SH3BGR: variants seen among roughly 807,000 people sequenced by gnomAD.
SH3BGR encodes the protein SH3 domain binding glutamate rich protein.
Under a neutral mutation model 24.5 loss-of-function variants are expected in SH3BGR, and 29 were observed. The observed-to-expected ratio is 1.18, with a 90% CI of 0.88 to 1.61. The LOEUF (loss-of-function observed/expected upper bound fraction) is 1.61, where lower values mean the gene tolerates loss of function less well. SH3BGR is among the 40% of genes most tolerant of loss of function. The pLI, the probability that SH3BGR is intolerant of heterozygous loss-of-function variation, is 0.00. For synonymous variants in SH3BGR, 55 were observed against 65.7 expected, an observed-to-expected ratio of 0.84 and a Z score of 0.79; for missense variants, 162 against 205.8, an observed-to-expected ratio of 0.79 and a Z score of 1.30.
intron 2 of SH3BGR, among the ~76,000 whole-genome samples, chr21:39,470,448 G>A (rs538064574): frequency 3.9e-5 from 6 of 152,134 alleles, no homozygotes; most frequent in African/African-American, 1.2e-4. Context: ...TTTTAGTAGA[G>A]ATAGGGGTTC....
chr21:39,471,462 G>C (rs1017829230), intron 2 of SH3BGR, among the ~76,000 whole-genome samples: 4 of 152,056 alleles, frequency 2.6e-5, no homozygotes, highest in Non-Finnish European at 4.4e-5. Context: ...TTGTATGCTT[G>C]AGTTTAGGTT....
chr21:39,466,421 G>A (rs1448925865), intron 2 of SH3BGR, among the ~76,000 whole-genome samples: 2 of 152,086 alleles, frequency 1.3e-5, no homozygotes, highest in African/African-American at 4.8e-5. Context: ...ATGTTTACTG[G>A]TTTGTAAGAG....
chr21:39,458,822 T>A lies in SH3BGR; in HGVS notation c.46-3553T>A. ...CCACCACGCCTGGCTCATTTTTGTA[T>A]TTTTAGTAGAGACGAGGTTTTACCA... On this transcript the variant is annotated intron_variant, in intron 1 of 6. Coordinates refer to ENST00000333634, the MANE Select transcript of SH3BGR (RefSeq NM_007341.3). Among the ~76,000 whole-genome samples the A allele has an allele frequency of 1.3e-5, 2 of 151,786 alleles. 1 individual carries two copies. The highest frequency in any genetic ancestry group is 2.9e-5 in the Non-Finnish European group (2 of 67,946).
At chr21:39,498,197 C>T (rs956393498) in intron 3 of SH3BGR, among the ~76,000 whole-genome samples, 2 of 152,096 alleles carry the variant, frequency 1.3e-5, no homozygotes, top group African/African-American at 4.8e-5. Flanking sequence ...AATCAATTCC[C>T]CCTTAAAATA....
intron 3 of SH3BGR, among the ~76,000 whole-genome samples, chr21:39,479,259 ATGGTAGTGCTGG>A (rs2078086183): frequency 8.4e-6 from 1 of 119,464 alleles, no homozygotes; most frequent in African/African-American, 4.3e-5. Flanking sequence ...GGTGGTGGTG[ATGGTAGTGCTGG>A]TGGTGATAGT....
intron 1 of SH3BGR, among the ~76,000 whole-genome samples, chr21:39,452,996 C>A (rs190972629): frequency 5.6e-4 from 85 of 152,222 alleles, no homozygotes; most frequent in African/African-American, 1.9e-3. Context: ...TTTATTAAAC[C>A]CAAGAGTTAG....
chr21:39,490,944 C>G (rs1332905253), intron 3 of SH3BGR, among the ~76,000 whole-genome samples: 1 of 152,008 alleles, frequency 6.6e-6, no homozygotes, highest in Non-Finnish European at 1.5e-5. Flanking sequence ...GTTGCCCAGG[C>G]TGGTCTCAAA....
chr21:39,509,533 G>A lies in SH3BGR; in HGVS notation c.435+506G>A, dbSNP rs528535933. Among the ~76,000 whole-genome samples the A allele has an allele frequency of 2.1e-5, 3 of 143,852 alleles. No homozygotes were observed. In the South Asian group the frequency reaches 6.6e-4, roughly 31 times the overall value. The allele number at this position is 143,852 out of a possible 152,430, so 94.4% of individuals were successfully genotyped here. On this transcript the variant is annotated intron_variant, in intron 5 of 6. Coordinates refer to ENST00000333634, the MANE Select transcript of SH3BGR (RefSeq NM_007341.3). Reference sequence around the variant, plus strand: ...TCTCTTGCCCAGGCTGGAGTGCAGTGGTGTGATCTCAGCTCACTGCAACCT... The same window carrying A: ...TCTCTTGCCCAGGCTGGAGTGCAGTAGTGTGATCTCAGCTCACTGCAACCT...
chr21:39,478,026 T>A (rs1165948582), intron 3 of SH3BGR, among the ~76,000 whole-genome samples: 1 of 152,226 alleles, frequency 6.6e-6, no homozygotes, highest in African/African-American at 2.4e-5. Context: ...CTCTCAGTGA[T>A]GTTCAAAACA....
At position 39,475,237 on chromosome 21, in the gene SH3BGR, T is replaced by C. The variant is rs552288327; in HGVS notation, c.312+22T>C. On this transcript the variant is annotated intron_variant, in intron 3 of 6. Transcript: ENST00000333634. ...AAAGGTAAGTTTGAACAAACTCCAT[T>C]GGGGTTCAAAACAGGTAATACTAAA... is the stretch of plus-strand genomic sequence containing the variant. 1.1e-4 allele frequency: 166 copies of C among 1,470,386 alleles called. 2 individuals are homozygous for C. In the South Asian group the frequency reaches 1.9e-3, roughly 16 times the overall value. The allele number at this position is 1,470,386 out of a possible 1,614,324, so 91.1% of individuals were successfully genotyped here.
At chr21:39,479,571 T>C (rs1404905645) in intron 3 of SH3BGR, among the ~76,000 whole-genome samples, 1 of 152,074 alleles carries the variant, frequency 6.6e-6, no homozygotes, top group Non-Finnish European at 1.5e-5. Flanking sequence ...ATGGAGGGTC[T>C]CCCCTTTCAG....
intron 4 of SH3BGR, among the ~76,000 whole-genome samples, chr21:39,508,592 T>G (rs1238422292): frequency 6.6e-6 from 1 of 152,232 alleles, no homozygotes; most frequent in Non-Finnish European, 1.5e-5. Flanking sequence ...AGTAAAGACA[T>G]AGTTATAAGG....
chr21:39,460,851 A>G (rs1470890509), intron 1 of SH3BGR, among the ~76,000 whole-genome samples: 1 of 151,874 alleles, frequency 6.6e-6, no homozygotes. Flanking sequence ...GTGCAGTGGC[A>G]TGATCAGCAC....
chr21:39,452,123 A>G lies in SH3BGR; in HGVS notation c.27A>G (p.Thr9=), dbSNP rs906027351. The change falls in exon 1 of 7, where the codon ACA becomes ACG. Residue 9 remains threonine, a synonymous_variant. Coordinates refer to ENST00000333634, the MANE Select transcript of SH3BGR (RefSeq NM_007341.3). The stretch of plus-strand genomic sequence containing the variant: ...TGGTTATCAAAGTGTTTGTTGCTAC[A>G]TCTTCTGGGTCCATAGCGGTAGGTG... MVIKVFVA[T]SSGSIAIRKK... 1 of 1,613,982 alleles carries G rather than the reference A, an allele frequency of 6.2e-7. No homozygotes were observed. Among genetic ancestry groups the G allele is most frequent in the African/African-American group, 1.3e-5 (1 of 74,892 alleles).
intron 3 of SH3BGR, among the ~76,000 whole-genome samples, chr21:39,479,224 G>GGGTGGTGGTGGTGAT (rs2078078984): frequency 1.5e-5 from 2 of 137,584 alleles, no homozygotes; most frequent in African/African-American, 3.3e-5. Context: ...GAGGTGGTAA[G>GGGTGGTGGTGGTGAT]GGTGGTGGTG....
intron 5 of SH3BGR, among the ~76,000 whole-genome samples, chr21:39,509,570 G>T (rs1024853309): frequency 1.9e-4 from 28 of 149,456 alleles, no homozygotes; most frequent in Middle Eastern, 3.2e-3. Context: ...CGCTTCCTGG[G>T]TTCAAGCGAT....
At chr21:39,494,397 G>A (rs1381577877) in intron 3 of SH3BGR, among the ~76,000 whole-genome samples, 3 of 152,052 alleles carry the variant, frequency 2.0e-5, no homozygotes, top group Non-Finnish European at 4.4e-5. Context: ...GTTTCATAGT[G>A]AAGGTCTGCT....
chr21:39,511,573 G>C lies in SH3BGR; in HGVS notation c.436-107G>C. 3 of 969,248 alleles carry C rather than the reference G, an allele frequency of 3.1e-6. No homozygotes were observed. Among genetic ancestry groups the C allele is most frequent in the Non-Finnish European group, 4.7e-6 (3 of 642,772 alleles). The allele number at this position is 969,248 out of a possible 1,614,324, so 60.0% of individuals were successfully genotyped here. A position where few individuals can be genotyped will look rare whatever the true frequency, so the allele number is the denominator to read the frequency against. ...TGTGTTTGTTTGTGTGTTGTGTGGT[G>C]GGGTGTGGGAGGCTTTGACCTCTAG... On this transcript the variant is annotated intron_variant, in intron 5 of 6. Transcript: ENST00000333634. The surrounding 1 kb of genome is among the most constrained non-coding windows in gnomAD (Gnocchi z 4.2).
intron 1 of SH3BGR, among the ~76,000 whole-genome samples, chr21:39,454,539 C>T (rs1432556623): frequency 6.6e-6 from 1 of 152,182 alleles, no homozygotes; most frequent in Non-Finnish European, 1.5e-5. Context: ...TAGGACCCTC[C>T]TCTCTTCCAG....
Sources: allele counts gnomAD v4.1 joint callset (sites outside exome capture counted in the v4.1 genomes callset), GRCh38; gene constraint gnomAD v4.1.1; non-coding constraint Gnocchi (gnomAD v3.1); transcripts MANE v1.5; gene names NCBI Gene and HGNC (gene_info 2026-07-23, HGNC 2026-07-21).